The following TBPL2 variants were observed in gnomAD, a reference collection of about 807,000 sequenced individuals.
TBPL2 encodes the protein TATA box-binding protein-like 2.
TBPL2 carries 40 observed loss-of-function variants against 38.2 expected under a neutral mutation model. That is an observed-to-expected ratio of 1.05 (90% CI 0.81 to 1.36). TBPL2 has a LOEUF of 1.36. Among genes scored for constraint, TBPL2 ranks in the 40% most tolerant of loss-of-function variants. The pLI, the probability that TBPL2 is intolerant of heterozygous loss-of-function variation, is 0.00. For missense variants in TBPL2, 461 were observed against 456.7 expected (o/e 1.01, Z -0.09); for synonymous variants, 169 against 171.7 (o/e 0.98, Z 0.12).
intron 1 of TBPL2, among the ~76,000 whole-genome samples, chr14:55,439,364 A>T (rs12888181): frequency 1.3e-5 from 2 of 151,528 alleles, no homozygotes; most frequent in Admixed American, 6.6e-5. Flanking sequence ...CTTGACTTCT[A>T]GAGGGAGGCC....
intron 6 of TBPL2, among the ~76,000 whole-genome samples, chr14:55,422,727 C>A (rs1387467973): frequency 1.3e-5 from 2 of 152,064 alleles, no homozygotes; most frequent in East Asian, 3.9e-4. Flanking sequence ...GTGGCATGTG[C>A]CTGTAGTCTC....
At position 55,433,583 on chromosome 14, in the gene TBPL2, A is replaced by T. The variant is rs750324087; in HGVS notation, c.788+47T>A. 3.2e-6 allele frequency: 5 copies of T among 1,540,522 alleles called. No individual in the cohort carries two copies. In the South Asian group the frequency reaches 4.5e-5, roughly 14 times the overall value. ...TTAATTCTATGCTTCCTTGTTTTACATACTAAATTGTTTCTCTGGTAGGGG... is the reference window on the plus strand; with the variant it reads ...TTAATTCTATGCTTCCTTGTTTTACTTACTAAATTGTTTCTCTGGTAGGGG... On this transcript the variant is annotated intron_variant, in intron 4 of 6. Coordinates refer to ENST00000247219, the Ensembl canonical transcript of TBPL2.
At chr14:55,433,941 CTGT>C (rs1226315683) in intron 3 of TBPL2, among the ~76,000 whole-genome samples, 4 of 152,060 alleles carry the variant, frequency 2.6e-5, no homozygotes, top group African/African-American at 9.7e-5. Context: ...ATTTGAATGC[CTGT>C]TATGTTTCAG....
intron 6 of TBPL2, among the ~76,000 whole-genome samples, chr14:55,415,695 G>A (rs1377067691): frequency 1.3e-5 from 2 of 151,960 alleles, no homozygotes; most frequent in South Asian, 2.1e-4. Flanking sequence ...CGAAACCCCC[G>A]TCTCTACTAA....
intron 4 of TBPL2, among the ~76,000 whole-genome samples, chr14:55,433,309 CTTTT>C (rs71131269): frequency 1.8e-4 from 22 of 119,882 alleles, no homozygotes; most frequent in Middle Eastern, 4.3e-3. Context: ...TTAGATTTCT[CTTTT>C]TTTTTTTTTT....
intron 6 of TBPL2, among the ~76,000 whole-genome samples, chr14:55,415,682 C>T (rs138930231): frequency 2.0e-5 from 3 of 151,828 alleles, no homozygotes; most frequent in Non-Finnish European, 4.4e-5. Context: ...CTGGCCAACA[C>T]GGCGAAACCC....
At chr14:55,420,315 G>A (rs549978403) in intron 6 of TBPL2, among the ~76,000 whole-genome samples, 2 of 152,314 alleles carry the variant, frequency 1.3e-5, no homozygotes, top group African/African-American at 2.4e-5. Flanking sequence ...AAAGTGCTGG[G>A]ATTACAGGCG....
intron 1 of TBPL2, among the ~76,000 whole-genome samples, chr14:55,439,622 C>CCCCCCG (rs1886076207): frequency 7.2e-6 from 1 of 138,098 alleles, no homozygotes; most frequent in Non-Finnish European, 1.6e-5. Flanking sequence ...AAACCCCCCC[C>CCCCCCG]CGTCTCTACT....
chr14:55,431,213 C>T (rs766134840), intron 4 of TBPL2, among the ~76,000 whole-genome samples: 1 of 152,182 alleles, frequency 6.6e-6, no homozygotes, highest in Non-Finnish European at 1.5e-5. Context: ...TCACAACTCA[C>T]TATCCAAAAC....
intron 6 of TBPL2, among the ~76,000 whole-genome samples, chr14:55,421,475 T>G (rs1261348203): frequency 1.3e-5 from 2 of 152,182 alleles, no homozygotes; most frequent in African/African-American, 4.8e-5. Flanking sequence ...TTTTTAATTT[T>G]TTAATTAAGA....
In TBPL2 at chr14:55,439,617, C is replaced by CCCCCCCGCCCCG. The variant is rs1555344745; in HGVS notation, c.150+778_150+779insCGGGGCGGGGGG. 2.2e-4 allele frequency among the ~76,000 whole-genome samples: 16 copies of CCCCCCCGCCCCG among 72,628 alleles called. 3 individuals are homozygous for CCCCCCCGCCCCG. The Admixed American group carries it at 2.6e-3, about 12-fold the overall frequency. 47.6% of individuals were successfully genotyped at this position (72,628 alleles called of 152,430 possible). ...ACCAGCCTGGGGAGAAAAGCAAACC[C>CCCCCCCGCCCCG]CCCCCCGTCTCTACTAAAAAATACA... On this transcript the variant is annotated intron_variant, in intron 1 of 6. Transcript: ENST00000247219.
At chr14:55,418,425 G>A (rs1301408029) in intron 6 of TBPL2, among the ~76,000 whole-genome samples, 1 of 152,140 alleles carries the variant, frequency 6.6e-6, no homozygotes, top group Non-Finnish European at 1.5e-5. Flanking sequence ...ATATTTTCCC[G>A]AGTGATGCCA....
chr14:55,430,221 T>C (rs2140174599), intron 4 of TBPL2, among the ~76,000 whole-genome samples: 1 of 152,172 alleles, frequency 6.6e-6, no homozygotes, highest in East Asian at 1.9e-4. Context: ...TTTGGCCCTA[T>C]TTTTAGGCTG....
At chr14:55,430,174 G>C (rs1371747677) in intron 4 of TBPL2, among the ~76,000 whole-genome samples, 1 of 152,088 alleles carries the variant, frequency 6.6e-6, no homozygotes, top group Non-Finnish European at 1.5e-5. Context: ...AGCAACACCT[G>C]CAGGGTGAAT....
chr14:55,437,524 A>T (rs1423090458), intron 1 of TBPL2, among the ~76,000 whole-genome samples: 1 of 152,236 alleles, frequency 6.6e-6, no homozygotes, highest in Non-Finnish European at 1.5e-5. Context: ...GAAACAGAAA[A>T]GAATATTTTA....
chr14:55,427,880 CTTTT>C (rs551473740), intron 5 of TBPL2, among the ~76,000 whole-genome samples: 4 of 130,886 alleles, frequency 3.1e-5, no homozygotes, highest in Non-Finnish European at 1.6e-5. Flanking sequence ...GTTAGGATTG[CTTTT>C]TTTTTTTTTT....
At chr14:55,429,820 C>A (rs1286365462) in intron 4 of TBPL2, among the ~76,000 whole-genome samples, 1 of 145,492 alleles carries the variant, frequency 6.9e-6, no homozygotes, top group African/African-American at 2.5e-5. Context: ...AGGACACATG[C>A]ATACAAAAAA....
At chr14:55,439,162 C>A (rs1354228181) in intron 1 of TBPL2, among the ~76,000 whole-genome samples, 1 of 151,918 alleles carries the variant, frequency 6.6e-6, no homozygotes, top group Non-Finnish European at 1.5e-5. Context: ...TGGTCTTGAA[C>A]TCCTGACCTC....
chr14:55,424,323 C>T, intron 5 of TBPL2, 70 bp from the exon 6 acceptor site: 1 of 994,558 alleles, frequency 1.0e-6, no homozygotes, highest in Non-Finnish European at 1.6e-6. Flanking sequence ...ATGTAAGGCC[C>T]AGTATATTAA....
Sources: allele counts gnomAD v4.1 joint callset (sites outside exome capture counted in the v4.1 genomes callset), GRCh38; gene constraint gnomAD v4.1.1; transcripts MANE v1.5; gene names NCBI Gene and HGNC (gene_info 2026-07-23, HGNC 2026-07-21).